Variants in CDC123 observed in about 807,000 individuals in gnomAD.
CDC123 encodes cell division cycle 123.
A neutral mutation model predicts 54.4 loss-of-function variants in CDC123; 37 were observed. The observed-to-expected ratio is 0.68, with a 90% CI of 0.52 to 0.89. The LOEUF is 0.89. Among genes scored for constraint, CDC123 ranks in the 40% least tolerant of loss-of-function variants. The pLI, the probability that CDC123 is intolerant of heterozygous loss-of-function variation, is 0.00. For missense variants in CDC123, 361 were observed against 412.1 expected (o/e 0.88, Z 1.07); for synonymous variants, 144 against 136.8 (o/e 1.05, Z -0.37).
At chr10:12,209,263 G>A (rs1835564160) in intron 2 of CDC123, among the ~76,000 whole-genome samples, 1 of 151,976 alleles carries the variant, frequency 6.6e-6, no homozygotes, top group South Asian at 2.1e-4. Context: ...TTGAGACGGG[G>A]TCTCACTCTC....
intron 6 of CDC123, among the ~76,000 whole-genome samples, chr10:12,226,077 G>T (rs1363759453): frequency 6.6e-6 from 1 of 151,902 alleles, no homozygotes; most frequent in African/African-American, 2.4e-5. Flanking sequence ...CGGGGTTGGG[G>T]GTAAGGTTAT....
intron 7 of CDC123, among the ~76,000 whole-genome samples, chr10:12,233,518 A>G (rs1402628740): frequency 6.6e-6 from 1 of 152,108 alleles, no homozygotes; most frequent in Non-Finnish European, 1.5e-5. Context: ...GATAAACATT[A>G]TGCAAATTTT....
chr10:12,250,273 A>G, intron 12 of CDC123, 38 bp from the exon 13 acceptor site: 1 of 1,374,018 alleles, frequency 7.3e-7, no homozygotes, highest in South Asian at 1.2e-5. Flanking sequence ...CCCAAGGAGC[A>G]TGTGCTATTT....
intron 1 of CDC123, among the ~76,000 whole-genome samples, chr10:12,198,048 TTTA>T (rs1564431050): frequency 6.6e-6 from 1 of 152,216 alleles, no homozygotes; most frequent in Non-Finnish European, 1.5e-5. Flanking sequence ...TTTTTGATAA[TTTA>T]TTATTTCAAG....
Position 12,196,197 on chromosome 10 carries a change from G to C in CDC123, c.-49G>C, listed in dbSNP as rs769642833. On this transcript the variant is annotated 5_prime_UTR_variant, in exon 1 of 13. Transcript: ENST00000281141. ...TCCGGGGCCGGCGCCCAGAGTTCCG[G>C]GAGGGTGCAGGCAGGAGAGGGAAAG... 7 of 1,613,104 alleles carry C rather than the reference G, an allele frequency of 4.3e-6. No individual in the cohort carries two copies. The Admixed American group carries it at 5.0e-5, about 12-fold the overall frequency.
chr10:12,212,914 T>C (rs1564434876), intron 4 of CDC123, among the ~76,000 whole-genome samples: 2 of 152,200 alleles, frequency 1.3e-5, no homozygotes, highest in Non-Finnish European at 2.9e-5. Flanking sequence ...GGATACTCTA[T>C]GTGAAGTATA....
intron 2 of CDC123, among the ~76,000 whole-genome samples, chr10:12,200,963 G>A (rs1480855194): frequency 6.6e-6 from 1 of 151,842 alleles, no homozygotes; most frequent in Admixed American, 6.6e-5. Flanking sequence ...TAAACAACAC[G>A]ATACAGTGCT....
chr10:12,236,770 C>T (rs898061951), intron 8 of CDC123, among the ~76,000 whole-genome samples: 33 of 151,724 alleles, frequency 2.2e-4, no homozygotes, highest in Admixed American at 1.5e-3. Context: ...GGCAGGCGCC[C>T]GTAATCCTTG....
intron 5 of CDC123, among the ~76,000 whole-genome samples, chr10:12,216,107 C>T (rs963719848): frequency 3.3e-5 from 5 of 152,130 alleles, no homozygotes; most frequent in Non-Finnish European, 5.9e-5. Context: ...ATACTCTGCC[C>T]TTTTCAAAAC....
chr10:12,244,598 A>G (rs1391764515), intron 10 of CDC123, among the ~76,000 whole-genome samples: 1 of 151,150 alleles, frequency 6.6e-6, no homozygotes, highest in Non-Finnish European at 1.5e-5. Flanking sequence ...GAACAGGACA[A>G]GGTAGACATT....
At chr10:12,219,724 G>A (rs1012252661) in intron 6 of CDC123, among the ~76,000 whole-genome samples, 6 of 144,470 alleles carry the variant, frequency 4.2e-5, no homozygotes, top group Non-Finnish European at 7.5e-5. Flanking sequence ...TCACTCTGTC[G>A]CCCAGGCTGG....
At chr10:12,213,865 G>C (rs1482348192) in intron 4 of CDC123, among the ~76,000 whole-genome samples, 2 of 152,160 alleles carry the variant, frequency 1.3e-5, no homozygotes, top group African/African-American at 4.8e-5. Flanking sequence ...CAGTATGGGA[G>C]AAAAGACAAT....
intron 11 of CDC123, among the ~76,000 whole-genome samples, chr10:12,248,332 A>AC (rs1275380193): frequency 6.6e-6 from 1 of 151,460 alleles, no homozygotes; most frequent in Non-Finnish European, 1.5e-5. Flanking sequence ...ACATGGTGAA[A>AC]CCCCGTCTCT....
At chr10:12,250,067 T>TA in intron 12 of CDC123, 1 of 479,110 alleles carries the variant, frequency 2.1e-6, no homozygotes, top group African/African-American at 2.0e-5. Flanking sequence ...ATATTTATAT[T>TA]TTTGTGTGGA....
intron 1 of CDC123, among the ~76,000 whole-genome samples, chr10:12,198,081 A>G (rs963310036): frequency 1.3e-5 from 2 of 152,354 alleles, no homozygotes; most frequent in East Asian, 3.9e-4. Context: ...AAATTATCCC[A>G]TAAGTTTTTA....
At chr10:12,219,804 C>T (rs1393972214) in intron 6 of CDC123, among the ~76,000 whole-genome samples, 3 of 151,980 alleles carry the variant, frequency 2.0e-5, no homozygotes, top group Admixed American at 2.0e-4. Context: ...TCTGCCTCAG[C>T]CTCCCAAGTA....
rs376245493 is a variant in CDC123 at position 12,215,786 on chromosome 10, A to C, written c.284A>C (p.Asn95Thr). ...GCCACTAAAGTCCAGGAAGCTATCAATTCCCTCGGGGGCAGTGTCTTTCCT... is the reference window on the plus strand; with the variant it reads ...GCCACTAAAGTCCAGGAAGCTATCACTTCCCTCGGGGGCAGTGTCTTTCCT... ...EFATKVQEAI[N>T]SLGGSVFPKL... Residue 95 changes from asparagine (N) to threonine (T), a missense_variant, in exon 5 of 13, where the codon AAT (asparagine) becomes ACT (threonine). Physicochemically the swap from Asn to Thr is moderately conservative, Grantham distance 65. Transcript: ENST00000281141. The C allele has an allele frequency of 3.7e-6, 6 of 1,612,950 alleles. No homozygotes were observed. Among genetic ancestry groups the C allele is most frequent in the Non-Finnish European group, 2.5e-6 (3 of 1,179,646 alleles).
In CDC123 at chr10:12,199,811, A is replaced by G. The variant is rs116981350; in HGVS notation, c.146+1035A>G. 2.0e-3 allele frequency among the ~76,000 whole-genome samples: 300 copies of G among 152,068 alleles called. 5 individuals carry two copies. The East Asian group carries it at 0.05, about 26-fold the overall frequency. On this transcript the variant is annotated intron_variant, in intron 2 of 12. Transcript: ENST00000281141. ...AGTCTCAACTTTAGGATATTTACAG[A>G]TATAATTTTTTTTGTTTTGTTTTTC...
chr10:12,238,809 C>G (rs1260054142), intron 10 of CDC123, among the ~76,000 whole-genome samples: 1 of 152,012 alleles, frequency 6.6e-6, no homozygotes, highest in Admixed American at 6.6e-5. Flanking sequence ...CACTTGAGGT[C>G]AGGAGTTCAA....
Sources: gnomAD v4.1 joint callset for allele counts (sites outside exome capture counted in the v4.1 genomes callset) on GRCh38, gnomAD v4.1.1 for gene constraint, MANE v1.5 for transcripts, NCBI Gene and HGNC (gene_info 2026-07-23, HGNC 2026-07-21) for gene names.